SMG6: variants seen among roughly 807,000 people sequenced by gnomAD.
SMG6 encodes the protein telomerase-binding protein EST1A.
A neutral mutation model predicts 142.2 loss-of-function variants in SMG6; 66 were observed. That is an observed-to-expected ratio of 0.46 (90% CI 0.38 to 0.57). The LOEUF is 0.57. SMG6 is among the 20% of genes least tolerant of loss of function. SMG6 has a pLI of 0.00. For synonymous variants in SMG6, 779 were observed against 702.4 expected (o/e 1.11, Z -1.72); for missense variants, 1,793 against 1,832.0 (o/e 0.98, Z 0.39).
At chr17:2,290,173 C>T (rs1280355294) in intron 6 of SMG6, among the ~76,000 whole-genome samples, 1 of 151,898 alleles carries the variant, frequency 6.6e-6, no homozygotes, top group Non-Finnish European at 1.5e-5. Flanking sequence ...ATAGCCAATA[C>T]AATACTGAAA....
chr17:2,169,050 C>CT (rs757386773), intron 13 of SMG6, among the ~76,000 whole-genome samples: 120 of 143,578 alleles, frequency 8.4e-4, no homozygotes, highest in Middle Eastern at 3.7e-3. Flanking sequence ...CCAGCCAAAA[C>CT]TTTTTTTTTT....
intron 4 of SMG6, among the ~76,000 whole-genome samples, chr17:2,295,043 A>G (rs1291966719): frequency 6.6e-6 from 1 of 151,988 alleles, no homozygotes; most frequent in East Asian, 1.9e-4. Flanking sequence ...CACCCAGCTA[A>G]TTTTTGTATT....
chr17:2,063,818 T>C (rs1200315901), intron 18 of SMG6, among the ~76,000 whole-genome samples: 1 of 151,872 alleles, frequency 6.6e-6, no homozygotes, highest in Non-Finnish European at 1.5e-5. Context: ...GGGGCTGTGG[T>C]GGGCAGAGGG....
chr17:2,107,639 CTG>C (rs971736387), intron 13 of SMG6, among the ~76,000 whole-genome samples: 2 of 152,158 alleles, frequency 1.3e-5, no homozygotes, highest in African/African-American at 4.8e-5. Context: ...GTTCACTGCT[CTG>C]TGTTCTTAAA....
intron 13 of SMG6, among the ~76,000 whole-genome samples, chr17:2,108,219 G>A (rs907277155): frequency 3.3e-5 from 5 of 152,166 alleles, no homozygotes; most frequent in African/African-American, 1.2e-4. Context: ...AGGAGACATG[G>A]GAATCTGATG....
intron 13 of SMG6, among the ~76,000 whole-genome samples, chr17:2,094,350 A>C (rs2068801684): frequency 6.6e-6 from 1 of 152,010 alleles, no homozygotes; most frequent in African/African-American, 2.4e-5. Flanking sequence ...TCTTGGGTTC[A>C]AGAGATTCTT....
intron 8 of SMG6, among the ~76,000 whole-genome samples, chr17:2,250,646 A>G (rs2074026258): frequency 6.6e-6 from 1 of 152,084 alleles, no homozygotes; most frequent in African/African-American, 2.4e-5. Flanking sequence ...ACCCTCCTAA[A>G]GTAGTGGGAT....
intron 8 of SMG6, among the ~76,000 whole-genome samples, chr17:2,272,795 G>A (rs543410329): frequency 4.1e-4 from 62 of 152,106 alleles, no homozygotes; most frequent in African/African-American, 1.3e-3. Context: ...AAAATTAGCC[G>A]GGTGTGGTGG....
chr17:2,193,640 G>C (rs2072232499), intron 10 of SMG6, among the ~76,000 whole-genome samples: 1 of 152,168 alleles, frequency 6.6e-6, no homozygotes, highest in Admixed American at 6.5e-5. Flanking sequence ...GGATATAAAG[G>C]AAAGTAGGAT....
chr17:2,109,204 T>G (rs576550632), intron 13 of SMG6, among the ~76,000 whole-genome samples: 1 of 152,276 alleles, frequency 6.6e-6, no homozygotes, highest in Admixed American at 6.5e-5. Context: ...TTACCAAGTC[T>G]ATGTAGTATA....
At chr17:2,216,551 T>A (rs900458289) in intron 10 of SMG6, among the ~76,000 whole-genome samples, 4 of 152,224 alleles carry the variant, frequency 2.6e-5, no homozygotes, top group Non-Finnish European at 5.9e-5. Context: ...ATAATTTTTT[T>A]AAATCAACAA....
intron 14 of SMG6, among the ~76,000 whole-genome samples, chr17:2,084,576 G>A (rs1412387267): frequency 6.6e-6 from 1 of 152,176 alleles, no homozygotes; most frequent in African/African-American, 2.4e-5. Flanking sequence ...GATCACAAAC[G>A]ACAGCTTCCA....
chr17:2,299,560 T>A lies in SMG6; in HGVS notation c.1193A>T (p.Lys398Ile). Residue 398 changes from lysine to isoleucine, a missense_variant, in exon 2 of 19, where the codon AAA becomes ATA. Coordinates refer to ENST00000263073, the MANE Select transcript of SMG6 (RefSeq NM_017575.5). The surrounding 1 kb of genome is among the most constrained non-coding windows in gnomAD (Gnocchi z 4.3). The part of the protein sequence containing the change: ...GSEKQESKNP[K>I]QELRGRGRGI... ...ACGACCACGACCCCGAAGTTCTTGT[T>A]TCGGGTTTTTGGACTCCTGCTTCTC... 1 of 1,614,134 alleles carries A rather than the reference T, an allele frequency of 6.2e-7. No homozygotes were observed. The highest frequency in any genetic ancestry group is 8.5e-7 in the Non-Finnish European group (1 of 1,180,016).
chr17:2,202,385 G>A (rs2072556080), intron 10 of SMG6, among the ~76,000 whole-genome samples: 1 of 151,906 alleles, frequency 6.6e-6, no homozygotes. Flanking sequence ...CCTACCTCTA[G>A]CAGAAAAAAA....
At chr17:2,159,072 T>C (rs1044077174) in intron 13 of SMG6, among the ~76,000 whole-genome samples, 1 of 152,160 alleles carries the variant, frequency 6.6e-6, no homozygotes, top group Non-Finnish European at 1.5e-5. Context: ...AATGAGGATA[T>C]AATAATTGTC....
At chr17:2,221,132 G>T (rs2151767343) in intron 10 of SMG6, among the ~76,000 whole-genome samples, 1 of 152,324 alleles carries the variant, frequency 6.6e-6, no homozygotes, top group South Asian at 2.1e-4. Context: ...GAGCCCCAAT[G>T]ATATTTACTC....
intron 13 of SMG6, among the ~76,000 whole-genome samples, chr17:2,154,550 T>C (rs2070943645): frequency 6.6e-6 from 1 of 152,192 alleles, no homozygotes; most frequent in South Asian, 2.1e-4. Flanking sequence ...CAGCCTGGTA[T>C]TCCTCCTCCC....
At position 2,128,316 on chromosome 17, in the gene SMG6, A is replaced by T. The variant is rs551864075; in HGVS notation, c.3358-42415T>A. On this transcript the variant is annotated intron_variant, in intron 13 of 18. Transcript: ENST00000263073. The stretch of plus-strand genomic sequence containing the variant: ...ATGTTGTGTATATTTTACCACAATT[A>T]AAAAAAATCATTTCTTCAGGTAGAC... Among the ~76,000 whole-genome samples the T allele has an allele frequency of 3.2e-4, 49 of 152,244 alleles. No homozygotes were observed. The South Asian group carries it at 1.0e-2, about 31-fold the overall frequency.
chr17:2,117,167 T>A (rs1370757283), intron 13 of SMG6, among the ~76,000 whole-genome samples: 12 of 151,472 alleles, frequency 7.9e-5, no homozygotes, highest in Admixed American at 7.9e-4. Context: ...TGAACATGGC[T>A]CACTGCAGCC....
Sources: gnomAD v4.1 joint callset for allele counts (sites outside exome capture counted in the v4.1 genomes callset) on GRCh38, gnomAD v4.1.1 for gene constraint, Gnocchi (gnomAD v3.1) non-coding constraint, MANE v1.5 for transcripts, NCBI Gene and HGNC (gene_info 2026-07-23, HGNC 2026-07-21) for gene names.